Variants in FABP12 observed in about 807,000 individuals in gnomAD.
FABP12 encodes the protein fatty acid-binding protein 12.
In FABP12, 19 loss-of-function variants were observed where a neutral mutation model predicts 13.7. That is an observed-to-expected ratio of 1.39 (90% CI 0.97 to 2.04). The LOEUF (loss-of-function observed/expected upper bound fraction) is 2.04, where lower values mean the gene tolerates loss of function less well. Ranked by LOEUF, FABP12 falls within the 30% of genes most tolerant of loss-of-function variation. The pLI is 0.00. For synonymous variants in FABP12, 61 were observed against 57.0 expected (o/e 1.07, Z -0.32); for missense variants, 182 against 164.2 (o/e 1.11, Z -0.59).
chr8:81,544,452 T>G (rs1809402755), intron 1 of FABP12, among the ~76,000 whole-genome samples: 1 of 152,194 alleles, frequency 6.6e-6, no homozygotes, highest in African/African-American at 2.4e-5. Flanking sequence ...CTTTTATTTC[T>G]TACAAGGAAA....
chr8:81,556,736 AATT>A (rs1337830475), intron 1 of FABP12, among the ~76,000 whole-genome samples: 3 of 142,984 alleles, frequency 2.1e-5, no homozygotes, highest in Non-Finnish European at 3.0e-5. Context: ...AAAAATATAT[AATT>A]ATTATTTTAT....
At chr8:81,575,419 G>A (rs1460608770) in intron 1 of FABP12, among the ~76,000 whole-genome samples, 1 of 152,148 alleles carries the variant, frequency 6.6e-6, no homozygotes, top group African/African-American at 2.4e-5. Context: ...CAAACAGAAT[G>A]TGTATTCTGC....
At chr8:81,533,522 G>A (rs1307428006) in intron 1 of FABP12, among the ~76,000 whole-genome samples, 2 of 152,104 alleles carry the variant, frequency 1.3e-5, no homozygotes, top group African/African-American at 4.8e-5. Context: ...ACATGAAATA[G>A]GGAACAGGTG....
At chr8:81,537,332 A>G (rs968536004), upstream of FABP12, among the ~76,000 whole-genome samples, 2 of 152,222 alleles carry the variant, frequency 1.3e-5, no homozygotes, top group African/African-American at 4.8e-5. Flanking sequence ...TCCTGAGTCT[A>G]AACTGGAATG....
chr8:81,556,910 A>G (rs1043913421), intron 1 of FABP12, among the ~76,000 whole-genome samples: 2 of 132,514 alleles, frequency 1.5e-5, no homozygotes, highest in Non-Finnish European at 3.1e-5. Context: ...TGCGAGACAG[A>G]GTCTTGCTCT....
chr8:81,531,034 T>C (rs1356921913), intron 2 of FABP12, among the ~76,000 whole-genome samples: 1 of 152,252 alleles, frequency 6.6e-6, no homozygotes, highest in East Asian at 1.9e-4. Flanking sequence ...AGTTAGTTTA[T>C]GTAAATTAAT....
chr8:81,579,161 C>A (rs1011422270), intron 1 of FABP12, among the ~76,000 whole-genome samples: 2 of 151,906 alleles, frequency 1.3e-5, no homozygotes, highest in African/African-American at 2.4e-5. Flanking sequence ...TTCACTTTTT[C>A]ATTATAAGGA....
At chr8:81,535,304 A>AATG (rs1405753135), upstream of FABP12, among the ~76,000 whole-genome samples, 1 of 152,164 alleles carries the variant, frequency 6.6e-6, no homozygotes, top group Non-Finnish European at 1.5e-5. Context: ...CACCGAATAC[A>AATG]ATGTTTTTTA....
chr8:81,544,258 A>G (rs1423593996), intron 1 of FABP12, among the ~76,000 whole-genome samples: 2 of 152,150 alleles, frequency 1.3e-5, no homozygotes, highest in Middle Eastern at 3.2e-3. Flanking sequence ...GAAGCTCTGG[A>G]GGGTACTCTA....
At chr8:81,531,439 G>A in intron 1 of FABP12, 49 bp from the exon 2 acceptor site, 1 of 622,544 alleles carries the variant, frequency 1.6e-6, no homozygotes, top group Non-Finnish European at 2.8e-6. Flanking sequence ...GAAAAGTTAG[G>A]AAATAAAATA....
At chr8:81,531,210 A>T (rs1316604585) in intron 2 of FABP12, 33 bp downstream of exon 2, 3 of 1,501,750 alleles carry the variant, frequency 2.0e-6, no homozygotes, top group Non-Finnish European at 2.8e-6. Context: ...GCCCATTTTT[A>T]CTGGATATGA....
rs544663472 is a variant in FABP12 at position 81,533,514 on chromosome 8, A to G, written c.-76+288T>C. Among the ~76,000 whole-genome samples, 10 of 152,288 alleles carry G rather than the reference A, an allele frequency of 6.6e-5. No homozygotes were observed. In the South Asian group the frequency reaches 1.9e-3, roughly 28 times the overall value. The stretch of plus-strand genomic sequence containing the variant: ...CATTCCAAGCCACTGTGTCCTCCAC[A>G]TGAAATAGGGAACAGGTGCATGACT... On this transcript the variant is annotated intron_variant, in intron 1 of 4. Coordinates refer to ENST00000360464, the Ensembl canonical transcript of FABP12.
At chr8:81,546,461 G>C (rs1809435392) in intron 1 of FABP12, among the ~76,000 whole-genome samples, 1 of 151,376 alleles carries the variant, frequency 6.6e-6, no homozygotes, top group Non-Finnish European at 1.5e-5. Context: ...AGACCATCCT[G>C]GCTAACATGG....
chr8:81,577,731 G>T (rs1311946012), intron 1 of FABP12, among the ~76,000 whole-genome samples: 1 of 152,180 alleles, frequency 6.6e-6, no homozygotes, highest in Non-Finnish European at 1.5e-5. Flanking sequence ...ATGCACTCTA[G>T]CCTGGGCGAC....
intron 1 of FABP12, among the ~76,000 whole-genome samples, chr8:81,562,892 C>G (rs371438759): frequency 6.6e-6 from 1 of 152,220 alleles, no homozygotes; most frequent in African/African-American, 2.4e-5. Flanking sequence ...TTCACAACCT[C>G]TCATCATAAG....
At chr8:81,533,213 G>A (rs1387814072) in intron 1 of FABP12, 3 of 152,204 alleles carry the variant, frequency 2.0e-5, no homozygotes, top group Non-Finnish European at 2.9e-5. Context: ...TGGCTGCTCC[G>A]TTCATGTGTC....
chr8:81,541,945 A>C (rs1443454645), intron 1 of FABP12, among the ~76,000 whole-genome samples: 2 of 149,388 alleles, frequency 1.3e-5, no homozygotes, highest in Non-Finnish European at 3.0e-5. Flanking sequence ...AAAAAAAGAC[A>C]AAGAAAATCT....
chr8:81,565,389 C>T (rs77258902), intron 1 of FABP12, among the ~76,000 whole-genome samples: 2,537 of 152,134 alleles, frequency 0.017, 41 homozygotes, highest in Middle Eastern at 0.038. Flanking sequence ...AATATACATT[C>T]TTCCCCAGCA....
chr8:81,553,665 T>C (rs934038555), intron 1 of FABP12, among the ~76,000 whole-genome samples: 9 of 152,224 alleles, frequency 5.9e-5, no homozygotes, highest in African/African-American at 1.7e-4. Context: ...AGCTCGCAGT[T>C]CAGGCTTATC....
Sources: allele counts gnomAD v4.1 joint callset (sites outside exome capture counted in the v4.1 genomes callset), GRCh38; gene constraint gnomAD v4.1.1; transcripts MANE v1.5; gene names NCBI Gene and HGNC (gene_info 2026-07-23, HGNC 2026-07-21).